ALG9: variants seen among roughly 807,000 people sequenced by gnomAD.
ALG9 encodes the protein ALG9 alpha-1,2-mannosyltransferase, also known as alpha-1,2-mannosyltransferase ALG9.
In ALG9, 55 loss-of-function variants were observed where a neutral mutation model predicts 81.8. The ratio of observed to expected loss-of-function variants is 0.67; its 90% CI spans 0.54 to 0.84. The LOEUF (loss-of-function observed/expected upper bound fraction) is 0.84, where lower values mean the gene tolerates loss of function less well. Ranked by LOEUF, ALG9 falls within the 40% of genes least tolerant of loss-of-function variation. The pLI, the probability that ALG9 is intolerant of heterozygous loss-of-function variation, is 0.00. For synonymous variants in ALG9, 278 were observed against 274.3 expected (o/e 1.01, Z -0.13); for missense variants, 629 against 745.0 (o/e 0.84, Z 1.81).
At chr11:111,857,490 G>A in intron 6 of ALG9, 112 bp downstream of exon 6, 1 of 1,415,446 alleles carries the variant, frequency 7.1e-7, no homozygotes, top group Non-Finnish European at 9.9e-7. Context: ...CAGAATCTTT[G>A]AAAGCCCAAT....
intron 14 of ALG9, among the ~76,000 whole-genome samples, chr11:111,787,826 G>A (rs150544675): frequency 5.1e-4 from 77 of 152,076 alleles, no homozygotes; most frequent in African/African-American, 1.8e-3. Context: ...ATCCTGTGAG[G>A]AAGTGGCATT....
chr11:111,870,896 T>C, intron 1 of ALG9: 3 of 999,460 alleles, frequency 3.0e-6, no homozygotes, highest in Non-Finnish European at 3.6e-6. Context: ...GTACATAGCC[T>C]ACTCCAATTC....
At chr11:111,802,429 A>G (rs1182912937) in intron 14 of ALG9, among the ~76,000 whole-genome samples, 29 of 152,360 alleles carry the variant, frequency 1.9e-4, no homozygotes, top group African/African-American at 6.0e-4. Context: ...GAAGCCAGAC[A>G]CTAAACTCCA....
At chr11:111,851,413 G>C (rs1038189317) in intron 8 of ALG9, among the ~76,000 whole-genome samples, 9 of 150,914 alleles carry the variant, frequency 6.0e-5, no homozygotes, top group Admixed American at 6.0e-4. Context: ...CAGGAGGGGA[G>C]GTTGCAGTGA....
intron 13 of ALG9, among the ~76,000 whole-genome samples, chr11:111,828,436 C>T (rs1222144611): frequency 3.3e-5 from 5 of 152,196 alleles, no homozygotes; most frequent in East Asian, 1.9e-4. Flanking sequence ...TTGTGCACTG[C>T]GGCATCCTCT....
At position 111,870,382 on chromosome 11, in the gene ALG9, C is replaced by CAAAAAAAAAAAAAAAAGA; in HGVS notation, c.132-13_132-12insTCTTTTTTTTTTTTTTTT. 1.0e-6 allele frequency: 1 copy of CAAAAAAAAAAAAAAAAGA among 969,600 alleles called. No homozygotes were observed. The highest frequency in any genetic ancestry group is 5.8e-5 in the East Asian group (1 of 17,374). The allele number at this position is 969,600 out of a possible 1,614,324, so 60.1% of individuals were successfully genotyped here. On this transcript the variant is annotated splice_polypyrimidine_tract_variant and intron_variant, in intron 1 of 14. Transcript: ENST00000616540. ...TGTTCCCAGATAACCTGTTCAAAAG[C>CAAAAAAAAAAAAAAAAGA]AAAAAAAAAAAAAAAAAAAAAAGCA...
intron 13 of ALG9, among the ~76,000 whole-genome samples, chr11:111,832,937 T>C (rs1170764446): frequency 6.6e-6 from 1 of 152,084 alleles, no homozygotes; most frequent in African/African-American, 2.4e-5. Context: ...GAGCTTGAAG[T>C]GGAAGGATCA....
the ALG9 span, among the ~76,000 whole-genome samples, chr11:111,775,016 G>A: frequency 6.6e-6 from 1 of 152,226 alleles, no homozygotes; most frequent in Middle Eastern, 3.4e-3. Flanking sequence ...TTGAACTCCT[G>A]GGCTCAGGCA....
intron 13 of ALG9, among the ~76,000 whole-genome samples, chr11:111,835,910 C>T (rs1422370612): frequency 6.6e-6 from 1 of 152,140 alleles, no homozygotes; most frequent in Non-Finnish European, 1.5e-5. Context: ...GCCACCACAC[C>T]TGGCTTATTT....
intron 14 of ALG9, chr11:111,804,948 T>C (rs1282135805): frequency 5.2e-6 from 1 of 193,726 alleles, no homozygotes; most frequent in Non-Finnish European, 1.1e-5. Flanking sequence ...CCAGCAATCA[T>C]ACGCCTTGGT....
intron 8 of ALG9, among the ~76,000 whole-genome samples, chr11:111,845,700 C>A (rs942162551): frequency 2.0e-5 from 3 of 152,184 alleles, no homozygotes; most frequent in Non-Finnish European, 4.4e-5. Flanking sequence ...ATGACACATG[C>A]GGGTTTTAAT....
intron 13 of ALG9, among the ~76,000 whole-genome samples, chr11:111,823,701 A>C (rs1362111339): frequency 6.6e-6 from 1 of 152,218 alleles, no homozygotes; most frequent in African/African-American, 2.4e-5. Context: ...ACTTGGGAAA[A>C]GGTCACATGT....
At chr11:111,847,160 C>T (rs574150975) in intron 8 of ALG9, among the ~76,000 whole-genome samples, 3 of 151,836 alleles carry the variant, frequency 2.0e-5, no homozygotes, top group African/African-American at 7.3e-5. Flanking sequence ...TTTGTACCAC[C>T]GAGAGGGAAA....
intron 13 of ALG9, among the ~76,000 whole-genome samples, chr11:111,816,567 T>G (rs1175209308): frequency 1.3e-5 from 2 of 151,946 alleles, no homozygotes; most frequent in Non-Finnish European, 2.9e-5. Flanking sequence ...CTTTCTTTCT[T>G]TCTTTTGGAG....
rs187455379 is a variant in ALG9 at position 111,854,685 on chromosome 11, T to C, written c.702-949A>G. Among the ~76,000 whole-genome samples, 173 of 152,356 alleles carry C rather than the reference T, an allele frequency of 1.1e-3. 2 individuals are homozygous for C. The Middle Eastern group carries it at 0.024, about 21-fold the overall frequency. On this transcript the variant is annotated intron_variant, in intron 6 of 14. Coordinates refer to ENST00000616540, the MANE Select transcript of ALG9 (RefSeq NM_024740.2). ...TCCATGTTGTTATGTAAATTCCGTA[T>C]AACATTTTGCGTTTTTATTTTTTGT... is the stretch of plus-strand genomic sequence containing the variant.
At chr11:111,859,803 T>C (rs1202298873) in intron 5 of ALG9, among the ~76,000 whole-genome samples, 1 of 152,092 alleles carries the variant, frequency 6.6e-6, no homozygotes, top group Non-Finnish European at 1.5e-5. Context: ...CCAGATACTA[T>C]GTTTTTGTGT....
chr11:111,786,251 CTT>C lies in ALG9; in HGVS notation c.*144_*145del. The C allele has an allele frequency of 7.7e-7, 1 of 1,291,826 alleles. No individual in the cohort carries two copies. Among genetic ancestry groups the C allele is most frequent in the Non-Finnish European group, 1.1e-6 (1 of 895,176 alleles). 80.0% of individuals were successfully genotyped at this position (1,291,826 alleles called of 1,614,324 possible). ...GACTTTGATTAGACTTTGAAATAGA[CTT>C]TGACTAGCCCAGAGCACCCAGATTC... On this transcript the variant is annotated 3_prime_UTR_variant, in exon 15 of 15. Coordinates refer to ENST00000616540, the MANE Select transcript of ALG9 (RefSeq NM_024740.2).
At chr11:111,850,430 G>A (rs1555136513) in intron 8 of ALG9, among the ~76,000 whole-genome samples, 1 of 152,144 alleles carries the variant, frequency 6.6e-6, no homozygotes. Context: ...ATCAGGCCAG[G>A]CATGGTGGCT....
At chr11:111,867,990 G>A (rs1182615145) in intron 3 of ALG9, among the ~76,000 whole-genome samples, 1 of 152,040 alleles carries the variant, frequency 6.6e-6, no homozygotes, top group African/African-American at 2.4e-5. Flanking sequence ...CAAAGACCTG[G>A]GGGACTAATA....
Sources: gnomAD v4.1 joint callset for allele counts (sites outside exome capture counted in the v4.1 genomes callset) on GRCh38, gnomAD v4.1.1 for gene constraint, MANE v1.5 for transcripts, NCBI Gene and HGNC (gene_info 2026-07-23, HGNC 2026-07-21) for gene names.